Variants in ACVR2B observed in about 807,000 individuals in gnomAD.
The protein encoded by ACVR2B is activin receptor type-2B.
In ACVR2B, 18 loss-of-function variants were observed where a neutral mutation model predicts 65.1. That is an observed-to-expected ratio of 0.28 (90% CI 0.19 to 0.41). The LOEUF is 0.41. Ranked by LOEUF, ACVR2B falls within the 10% of genes least tolerant of loss-of-function variation. The pLI is 1.00. For missense variants in ACVR2B, 482 were observed against 682.7 expected, an observed-to-expected ratio of 0.71 and a Z score of 3.28; for synonymous variants, 298 against 277.7, an observed-to-expected ratio of 1.07 and a Z score of -0.73.
At position 38,454,484 on chromosome 3, in the gene ACVR2B, A is replaced by G. The variant is rs980492592; in HGVS notation, c.52+110A>G. 11 of 988,650 alleles carry G rather than the reference A, an allele frequency of 1.1e-5. No homozygotes were observed. In the African/African-American group the frequency reaches 1.7e-4, roughly 15 times the overall value. 61.2% of individuals were successfully genotyped at this position (988,650 alleles called of 1,614,324 possible). A position where few individuals can be genotyped will look rare whatever the true frequency, so the allele number is the denominator to read the frequency against. On this transcript the variant is annotated intron_variant, in intron 1 of 10. Transcript: ENST00000352511. ...GGGCCCGGGGCCTCGTCGCCGCACC[A>G]CCTGTATTCAGCCCTCACCTCCGGG...
In ACVR2B at chr3:38,454,201, G is replaced by T; in HGVS notation, c.-122G>T. 1 of 720,410 alleles carries T rather than the reference G, an allele frequency of 1.4e-6. No individual in the cohort carries two copies. Among genetic ancestry groups the T allele is most frequent in the South Asian group, 5.0e-5 (1 of 19,980 alleles). The allele number at this position is 720,410 out of a possible 1,614,324, so 44.6% of individuals were successfully genotyped here. On this transcript the variant is annotated 5_prime_UTR_variant, in exon 1 of 11. Transcript: ENST00000352511. ...GACGAAGGCGCAGGAAGCGCGCAGG[G>T]AACGAGACCGAAGGAAGGAGCGGGA... is the stretch of plus-strand genomic sequence containing the variant.
At chr3:38,472,081 C>CT (rs1268414313) in intron 1 of ACVR2B, among the ~76,000 whole-genome samples, 1 of 152,176 alleles carries the variant, frequency 6.6e-6, no homozygotes, top group Non-Finnish European at 1.5e-5. Flanking sequence ...TGTGCATACA[C>CT]GTGTGTGCAT....
chr3:38,470,912 G>T (rs1236343694), intron 1 of ACVR2B, among the ~76,000 whole-genome samples: 1 of 152,016 alleles, frequency 6.6e-6, no homozygotes, highest in East Asian at 1.9e-4. Context: ...CGGTAGAAAA[G>T]AAACAAATTT....
At position 38,479,287 on chromosome 3, in the gene ACVR2B, C is replaced by T. The variant is rs533158678; in HGVS notation, c.810+16C>T. The T allele has an allele frequency of 2.5e-6, 4 of 1,614,126 alleles. No individual in the cohort carries two copies. The South Asian group carries it at 4.4e-5, about 18-fold the overall frequency. On this transcript the variant is annotated intron_variant, in intron 6 of 10. Transcript: ENST00000352511. ...CCATGACAAGGTGAGCCACACCCAT[C>T]AGAATGGACTCTGAGAGGAGATGGA...
chr3:38,489,923 C>T lies in ACVR2B; in HGVS notation c.*6591C>T, dbSNP rs1354615851. On this transcript the variant is annotated 3_prime_UTR_variant, in exon 11 of 11. Transcript: ENST00000352511. ...GTGATCCAATTAAATGGAGAGCTGCCAGGCACATTTTGTCCTCTCTGGTCA... is the reference window on the plus strand; with the variant it reads ...GTGATCCAATTAAATGGAGAGCTGCTAGGCACATTTTGTCCTCTCTGGTCA... The T allele has an allele frequency of 1.3e-5, 2 of 152,096 alleles. No homozygotes were observed. The highest frequency in any genetic ancestry group is 2.9e-5 in the Non-Finnish European group (2 of 68,042). 9.4% of individuals were successfully genotyped at this position (152,096 alleles called of 1,614,324 possible).
Position 38,485,626 on chromosome 3 carries a change from C to G in ACVR2B, c.*2294C>G, listed in dbSNP as rs1396648338. ...TTCATGGGTCAAAATGTGGGCTGGC[C>G]AAGTGGTTACAGGAACAGGGTTTCG... On this transcript the variant is annotated 3_prime_UTR_variant, in exon 11 of 11. Coordinates refer to ENST00000352511, the MANE Select transcript of ACVR2B (RefSeq NM_001106.4). The G allele has an allele frequency of 6.9e-6, 1 of 143,956 alleles. No individual in the cohort carries two copies. The highest frequency in any genetic ancestry group is 2.6e-5 in the African/African-American group (1 of 38,632). The allele number at this position is 143,956 out of a possible 1,614,324, so 8.9% of individuals were successfully genotyped here.
chr3:38,458,709 T>A (rs1294819535), intron 1 of ACVR2B, among the ~76,000 whole-genome samples: 1 of 152,196 alleles, frequency 6.6e-6, no homozygotes, highest in Admixed American at 6.5e-5. Context: ...TCACGGATAC[T>A]GACCTGTCAC....
In ACVR2B at chr3:38,477,103, G is replaced by A. The variant is rs897070086; in HGVS notation, c.53-184G>A. ...TGGGGGCTGGTGCCAGCTGGCACAC[G>A]TAAATTAAGAGGTGTGGGACGGATG... On this transcript the variant is annotated intron_variant, in intron 1 of 10. Coordinates refer to ENST00000352511, the MANE Select transcript of ACVR2B (RefSeq NM_001106.4). This position sits in a 1 kb window ranked among gnomAD's most constrained non-coding sequence, Gnocchi z 6.7. 1.7e-5 allele frequency: 11 copies of A among 641,418 alleles called. No homozygotes were observed. Among genetic ancestry groups the A allele is most frequent in the African/African-American group, 7.3e-5 (4 of 54,828 alleles). 39.7% of individuals were successfully genotyped at this position (641,418 alleles called of 1,614,324 possible).
At position 38,479,114 on chromosome 3, in the gene ACVR2B, G is replaced by GT. The variant is rs1559654091; in HGVS notation, c.667-14_667-13insT. On this transcript the variant is annotated splice_polypyrimidine_tract_variant and intron_variant, in intron 5 of 10. Transcript: ENST00000352511. ...CAGCCACTTGTCCCCCCAACCCCTC[G>GT]CCCCCGGCCTCAGGACAAGCAGTCG... is the stretch of plus-strand genomic sequence containing the variant. 24 of 1,613,830 alleles carry GT rather than the reference G, an allele frequency of 1.5e-5. No homozygotes were observed. Among genetic ancestry groups the GT allele is most frequent in the Non-Finnish European group, 1.9e-5 (23 of 1,179,982 alleles).
In ACVR2B at chr3:38,477,100, C is replaced by A; in HGVS notation, c.53-187C>A. The A allele has an allele frequency of 9.4e-6, 6 of 635,372 alleles. No individual in the cohort carries two copies. The highest frequency in any genetic ancestry group is 1.7e-5 in the Non-Finnish European group (6 of 363,190). 39.4% of individuals were successfully genotyped at this position (635,372 alleles called of 1,614,324 possible). A position where few individuals can be genotyped will look rare whatever the true frequency, so the allele number is the denominator to read the frequency against. ...AGGTGGGGGCTGGTGCCAGCTGGCA[C>A]ACGTAAATTAAGAGGTGTGGGACGG... On this transcript the variant is annotated intron_variant, in intron 1 of 10. Transcript: ENST00000352511. The surrounding 1 kb of genome is among the most constrained non-coding windows in gnomAD (Gnocchi z 6.7).
intron 1 of ACVR2B, among the ~76,000 whole-genome samples, chr3:38,466,948 G>A (rs1346913322): frequency 6.6e-6 from 1 of 152,232 alleles, no homozygotes; most frequent in African/African-American, 2.4e-5. Flanking sequence ...TTGTGAGAAT[G>A]TGTTACTGAG....
rs1348490791 is a variant in ACVR2B, at chr3:38,453,932, G to A, written c.-391G>A. 1 of 148,374 alleles carries A rather than the reference G, an allele frequency of 6.7e-6. No homozygotes were observed. The highest frequency in any genetic ancestry group is 1.5e-5 in the Non-Finnish European group (1 of 66,998). The allele number at this position is 148,374 out of a possible 1,614,324, so 9.2% of individuals were successfully genotyped here. On this transcript the variant is annotated 5_prime_UTR_variant, in exon 1 of 11. Coordinates refer to ENST00000352511, the MANE Select transcript of ACVR2B (RefSeq NM_001106.4). ...GCCGCTCAGGAGCCATTTTGGACTC[G>A]GTTCAGCTCCCCTCCCCCCCACCCC...
intron 1 of ACVR2B, among the ~76,000 whole-genome samples, chr3:38,459,295 C>T (rs968006561): frequency 4.6e-5 from 7 of 152,210 alleles, no homozygotes; most frequent in East Asian, 3.9e-4. Flanking sequence ...AGAATCCTGG[C>T]GTCCTTGAGT....
chr3:38,477,352 C>T lies in ACVR2B; in HGVS notation c.118C>T (p.Arg40Cys), dbSNP rs1272716240. Residue 40 changes from arginine (R) to cysteine (C), a missense_variant, in exon 2 of 11, where the codon CGC becomes TGC. Transcript: ENST00000352511. This position sits in a 1 kb window ranked among gnomAD's most constrained non-coding sequence, Gnocchi z 6.7. ...CTACAACGCCAACTGGGAGCTGGAGCGCACCAACCAGAGCGGCCTGGAGCG... is the reference window on the plus strand; with the variant it reads ...CTACAACGCCAACTGGGAGCTGGAGTGCACCAACCAGAGCGGCCTGGAGCG... ...IYYNANWELE[R>C]TNQSGLERCE... 8 of 1,614,052 alleles carry T rather than the reference C, an allele frequency of 5.0e-6. No individual in the cohort carries two copies. Among genetic ancestry groups the T allele is most frequent in the Non-Finnish European group, 3.4e-6 (4 of 1,180,028 alleles).
At position 38,478,160 on chromosome 3, in the gene ACVR2B, G is replaced by A. The variant is rs149064170; in HGVS notation, c.390G>A (p.Pro130=). 12 of 1,612,262 alleles carry A rather than the reference G, an allele frequency of 7.4e-6. No homozygotes were observed. The highest frequency in any genetic ancestry group is 5.0e-5 in the Admixed American group (3 of 59,994). ...CCCCAGTCACGTACGAGCCACCCCC[G>A]ACAGCCCCCACCCTGCTCACGGTGC... ...GGPEVTYEPP[P]TAPTLLTVLA... is the part of the protein sequence containing the mutation. The change falls in exon 4 of 11, where the codon CCG becomes CCA. Residue 130 remains proline, a synonymous_variant. Transcript: ENST00000352511.
Position 38,488,075 on chromosome 3 carries a change from C to T in ACVR2B, c.*4743C>T, listed in dbSNP as rs1710152400. 1 of 152,210 alleles carries T rather than the reference C, an allele frequency of 6.6e-6. No individual in the cohort carries two copies. Among genetic ancestry groups the T allele is most frequent in the South Asian group, 2.1e-4 (1 of 4,834 alleles). The allele number at this position is 152,210 out of a possible 1,614,324, so 9.4% of individuals were successfully genotyped here. A position where few individuals can be genotyped will look rare whatever the true frequency, so the allele number is the denominator to read the frequency against. ...GGGGACAAGGTGTCTTTTTCTCCTT[C>T]TCACTGGGGTGACATGAATTCTTTT... On this transcript the variant is annotated 3_prime_UTR_variant, in exon 11 of 11. Coordinates refer to ENST00000352511, the MANE Select transcript of ACVR2B (RefSeq NM_001106.4).
At chr3:38,464,679 G>T (rs970344843) in intron 1 of ACVR2B, among the ~76,000 whole-genome samples, 3 of 152,160 alleles carry the variant, frequency 2.0e-5, no homozygotes, top group African/African-American at 7.2e-5. Flanking sequence ...GGTGGGCAGA[G>T]TCAATCACTT....
chr3:38,479,580 C>T, intron 6 of ACVR2B, 98 bp from the exon 7 acceptor site: 1 of 1,423,356 alleles, frequency 7.0e-7, no homozygotes, highest in Non-Finnish European at 9.9e-7. Context: ...AGGAGAGCAG[C>T]CTAGCCATTG....
intron 1 of ACVR2B, among the ~76,000 whole-genome samples, chr3:38,462,669 C>T (rs1421743022): frequency 6.6e-6 from 1 of 152,154 alleles, no homozygotes; most frequent in East Asian, 1.9e-4. Context: ...CTACTTTGAT[C>T]TTTTTAATAA....
Sources: allele counts gnomAD v4.1 joint callset (sites outside exome capture counted in the v4.1 genomes callset), GRCh38; gene constraint gnomAD v4.1.1; non-coding constraint Gnocchi (gnomAD v3.1); transcripts MANE v1.5; gene names NCBI Gene and HGNC (gene_info 2026-07-23, HGNC 2026-07-21).